The following ADGRV1 variants were observed in gnomAD, a reference collection of about 807,000 sequenced individuals.
ADGRV1 encodes the protein adhesion G protein-coupled receptor V1.
In ADGRV1, 359 loss-of-function variants were observed where a neutral mutation model predicts 596.2. The ratio of observed to expected loss-of-function variants is 0.60; its 90% CI spans 0.55 to 0.66. The LOEUF is 0.66. ADGRV1 is among the 30% of genes least tolerant of loss of function. ADGRV1 has a pLI of 0.00. For missense variants in ADGRV1, 7,274 were observed against 7,575.6 expected, an observed-to-expected ratio of 0.96 and a Z score of 1.48; for synonymous variants, 2,681 against 2,679.2, an observed-to-expected ratio of 1.00 and a Z score of -0.02.
At chr5:90,647,021 C>G (rs1249580839) in intron 16 of ADGRV1, among the ~76,000 whole-genome samples, 1 of 152,104 alleles carries the variant, frequency 6.6e-6, no homozygotes, top group African/African-American at 2.4e-5. Context: ...ATCTGCCCGC[C>G]TTGGCCTCCC....
chr5:90,778,931 A>C lies in ADGRV1; in HGVS notation c.12916A>C (p.Ser4306Arg), dbSNP rs1758554241. ...GHVRLWYKTM[S>R]GTAEAGLDFV... ...TGTGCGACTCTGGTACAAGACGATG[A>C]GCGGGACAGCGGAAGCAGGCTTGGA... Residue 4306 changes from serine to arginine, a missense_variant, in exon 64 of 90, where the codon AGC becomes CGC. Physicochemically the swap from Ser to Arg is moderately radical, Grantham distance 110 (BLOSUM62 -1). This residue lies in a region of ADGRV1 where 3,643 missense variants were observed against 3,809.2 expected (regional missense o/e 0.96). Coordinates refer to ENST00000405460, the MANE Select transcript of ADGRV1 (RefSeq NM_032119.4). The C allele has an allele frequency of 6.2e-7, 1 of 1,613,520 alleles. No homozygotes were observed. The highest frequency in any genetic ancestry group is 8.5e-7 in the Non-Finnish European group (1 of 1,179,564).
intron 75 of ADGRV1, among the ~76,000 whole-genome samples, chr5:90,822,339 T>C (rs936341339): frequency 9.2e-5 from 14 of 152,316 alleles, no homozygotes; most frequent in African/African-American, 3.4e-4. Flanking sequence ...GAGATGAACC[T>C]GGTACCTCAG....
In ADGRV1 at chr5:90,638,049, A is replaced by C. The variant is rs1766459841; in HGVS notation, c.2240+101A>C. On this transcript the variant is annotated intron_variant, in intron 11 of 89. Transcript: ENST00000405460. ...TCTTTTTTTTCTATATAAAGTAAAA[A>C]AAAAAGTCAAGTAAATAGTGTTATA... 4.8e-6 allele frequency: 4 copies of C among 838,816 alleles called. No individual in the cohort carries two copies. In the Admixed American group the frequency reaches 1.2e-4, roughly 24 times the overall value. The allele number at this position is 838,816 out of a possible 1,614,324, so 52.0% of individuals were successfully genotyped here.
chr5:90,955,510 G>C (rs564751401), intron 83 of ADGRV1, among the ~76,000 whole-genome samples: 88 of 152,134 alleles, frequency 5.8e-4, no homozygotes, highest in Non-Finnish European at 1.1e-3. Context: ...CTTGGCTCTG[G>C]AATCAGGCAT....
At chr5:90,576,342 C>G (rs897857440) in intron 1 of ADGRV1, among the ~76,000 whole-genome samples, 8 of 151,800 alleles carry the variant, frequency 5.3e-5, no homozygotes, top group Non-Finnish European at 1.0e-4. Flanking sequence ...CAGTTCCCAC[C>G]TATGAGTGAG....
At chr5:90,782,094 T>C (rs1758913275) in intron 65 of ADGRV1, among the ~76,000 whole-genome samples, 1 of 152,176 alleles carries the variant, frequency 6.6e-6, no homozygotes, top group Non-Finnish European at 1.5e-5. Context: ...TTATATTCCT[T>C]CCCAGGTAGG....
At position 90,728,304 on chromosome 5, in the gene ADGRV1, T is replaced by C. The variant is rs191075047; in HGVS notation, c.10162-365T>C. On this transcript the variant is annotated intron_variant, in intron 48 of 89. Transcript: ENST00000405460. ...TAATATTGCAGCATTAGAATGTTTC[T>C]TATTCCGTTCTAAATTTTTCATATG... 2.5e-3 allele frequency among the ~76,000 whole-genome samples: 382 copies of C among 152,354 alleles called. 3 individuals carry two copies. Among genetic ancestry groups the C allele is most frequent in the African/African-American group, 8.6e-3 (358 of 41,580 alleles).
rs982300598 is a variant in ADGRV1, at chr5:91,065,244, GT to G, written c.18153-7202del. 2.0e-5 allele frequency among the ~76,000 whole-genome samples: 3 copies of G among 151,988 alleles called. 1 individual carries two copies. The highest frequency in any genetic ancestry group is 2.4e-5 in the African/African-American group (1 of 41,356). On this transcript the variant is annotated intron_variant, in intron 85 of 89. Transcript: ENST00000405460. ...TGAAGTGACAAATGTATCTTTTAATGTAGAGGCTATCATTGAAGAAATACTC... is the reference window on the plus strand; with the variant it reads ...TGAAGTGACAAATGTATCTTTTAATGAGAGGCTATCATTGAAGAAATACTC...
intron 83 of ADGRV1, among the ~76,000 whole-genome samples, chr5:90,930,672 A>G (rs1475072798): frequency 6.6e-6 from 1 of 152,150 alleles, no homozygotes; most frequent in Non-Finnish European, 1.5e-5. Context: ...TTCAAGCAGA[A>G]ACTATAATCC....
chr5:91,070,696 C>T (rs929072977), intron 85 of ADGRV1, among the ~76,000 whole-genome samples: 5 of 152,018 alleles, frequency 3.3e-5, no homozygotes, highest in African/African-American at 1.2e-4. Flanking sequence ...ACCATTTTGC[C>T]GATAATTTCA....
At chr5:90,908,711 G>T (rs1772554601) in intron 83 of ADGRV1, among the ~76,000 whole-genome samples, 1 of 152,140 alleles carries the variant, frequency 6.6e-6, no homozygotes, top group South Asian at 2.1e-4. Context: ...TGAGTGAAGA[G>T]TGATATATTA....
intron 57 of ADGRV1, among the ~76,000 whole-genome samples, chr5:90,757,378 C>T (rs200449127): frequency 1.1e-4 from 16 of 151,936 alleles, no homozygotes; most frequent in Admixed American, 3.3e-4. Flanking sequence ...TCTGAACCCC[C>T]GCCCCAGTTT....
At chr5:90,972,890 A>G (rs1253397340) in intron 84 of ADGRV1, among the ~76,000 whole-genome samples, 1 of 149,388 alleles carries the variant, frequency 6.7e-6, no homozygotes, top group African/African-American at 2.5e-5. Context: ...AAAAAACCCT[A>G]CAAAAAATCA....
chr5:91,093,497 A>G (rs1265156964), intron 86 of ADGRV1, among the ~76,000 whole-genome samples: 1 of 152,268 alleles, frequency 6.6e-6, no homozygotes, highest in East Asian at 1.9e-4. Flanking sequence ...CTTTTATTGA[A>G]CAAACATTAA....
At chr5:90,749,658 A>G (rs2149939915) in intron 52 of ADGRV1, among the ~76,000 whole-genome samples, 1 of 152,338 alleles carries the variant, frequency 6.6e-6, no homozygotes, top group African/African-American at 2.4e-5. Flanking sequence ...AAAAATCTTT[A>G]CACTCCATAT....
At chr5:90,794,329 C>T (rs1357048433) in intron 70 of ADGRV1, among the ~76,000 whole-genome samples, 2 of 152,182 alleles carry the variant, frequency 1.3e-5, no homozygotes, top group Non-Finnish European at 2.9e-5. Context: ...AAGTTGTTAA[C>T]ACCTGGTTAA....
intron 52 of ADGRV1, among the ~76,000 whole-genome samples, chr5:90,746,879 A>G (rs914536189): frequency 1.3e-5 from 2 of 152,194 alleles, no homozygotes; most frequent in African/African-American, 4.8e-5. Context: ...ACTGTTTCAG[A>G]TGCTACAGTC....
At chr5:90,647,382 G>A in intron 16 of ADGRV1, 116 bp from the exon 17 acceptor site, 1 of 972,758 alleles carries the variant, frequency 1.0e-6, no homozygotes, top group Non-Finnish European at 1.5e-6. Flanking sequence ...TAATTATTTT[G>A]GCAAAGACAC....
chr5:90,823,523 CTG>C lies in ADGRV1; in HGVS notation c.16299_16300del (p.Ser5434ArgfsTer17). The C allele has an allele frequency of 6.2e-7, 1 of 1,613,872 alleles. No homozygotes were observed. Among genetic ancestry groups the C allele is most frequent in the Non-Finnish European group, 8.5e-7 (1 of 1,179,790 alleles). The stretch of plus-strand genomic sequence containing the variant: ...GTAAACCTGGTGGAGGAACTTCAGT[CTG>C]TGTCAGGGACCACAACCTGTACAAT... On this transcript the variant is annotated frameshift_variant, in exon 76 of 90. Transcript: ENST00000405460. LOFTEE classifies it high-confidence loss of function.
Sources: gnomAD v4.1 joint callset for allele counts (sites outside exome capture counted in the v4.1 genomes callset) on GRCh38, gnomAD v4.1.1 for gene constraint, gnomAD v4.1.1 regional missense constraint, MANE v1.5 for transcripts, NCBI Gene and HGNC (gene_info 2026-07-23, HGNC 2026-07-21) for gene names.